The following APOOL variants were observed in gnomAD, a reference collection of about 807,000 sequenced individuals.
APOOL encodes the protein apolipoprotein O like.
APOOL carries 12 observed loss-of-function variants against 23.1 expected under a neutral mutation model. The ratio of observed to expected loss-of-function variants is 0.52; its 90% CI spans 0.33 to 0.84. The LOEUF (loss-of-function observed/expected upper bound fraction) is 0.84. APOOL is among the 40% of genes least tolerant of loss of function. The pLI, the probability that APOOL is intolerant of heterozygous loss-of-function variation, is 0.02. For missense variants in APOOL, 212 were observed against 199.6 expected, an observed-to-expected ratio of 1.06 and a Z score of -0.37; for synonymous variants, 77 against 69.9, an observed-to-expected ratio of 1.10 and a Z score of -0.51.
rs1479763813 is a variant in APOOL, at chrX:85,074,004, G to A, written c.493G>A (p.Ala165Thr). 7 of 1,144,030 alleles carry A rather than the reference G, an allele frequency of 6.1e-6. No homozygotes were observed. In the East Asian group the frequency reaches 2.0e-4, roughly 32 times the overall value. The allele number at this position is 1,144,030 out of a possible 1,213,427, so 94.3% of individuals were successfully genotyped here. A position where few individuals can be genotyped will look rare whatever the true frequency, so the allele number is the denominator to read the frequency against. Residue 165 changes from alanine (A) to threonine (T), a missense_variant, in exon 7 of 9, where the codon GCA becomes ACA. Coordinates refer to ENST00000373173, the MANE Select transcript of APOOL (RefSeq NM_198450.6). ...VQSVIIAKVT[A>T]KKVYATSQQI... ...TACTTTTTGTTTTAATTAGGTAACA[G>A]CAAAAAAGGTATATGCTACAAGCCA...
At position 85,062,297 on chromosome X, in the gene APOOL, A is replaced by G. The variant is rs767662113; in HGVS notation, c.395-4830A>G. ...TTTGTCAGATGGATAGATTGCAAAA[A>G]TTTTCTCCCATTCTGTACGTTGTCT... On this transcript the variant is annotated intron_variant, in intron 5 of 8. Coordinates refer to ENST00000373173, the MANE Select transcript of APOOL (RefSeq NM_198450.6). Among the ~76,000 whole-genome samples the G allele has an allele frequency of 3.5e-3, 382 of 109,868 alleles. 2 individuals are homozygous for G. Among genetic ancestry groups the G allele is most frequent in the African/African-American group, 0.012 (362 of 30,207 alleles).
chrX:85,014,045 G>A (rs1212020771), intron 1 of APOOL, among the ~76,000 whole-genome samples: 6 of 111,559 alleles, frequency 5.4e-5, no homozygotes, highest in Non-Finnish European at 7.5e-5. Flanking sequence ...ATATTTTCCT[G>A]TTGGGGTAGT....
At chrX:85,026,124 G>A (rs754785740) in intron 1 of APOOL, among the ~76,000 whole-genome samples, 17 of 113,408 alleles carry the variant, frequency 1.5e-4, no homozygotes, top group Non-Finnish European at 3.2e-4. Context: ...ATCACTGCTG[G>A]ATTCTGCACC....
At chrX:85,048,873 C>A (rs943166524) in intron 2 of APOOL, among the ~76,000 whole-genome samples, 1 of 110,867 alleles carries the variant, frequency 9.0e-6, no homozygotes, top group Non-Finnish European at 1.9e-5. Context: ...AATTAAATCT[C>A]CCTTTAATAG....
At chrX:85,058,331 T>G (rs1923052280) in intron 5 of APOOL, among the ~76,000 whole-genome samples, 1 of 111,145 alleles carries the variant, frequency 9.0e-6, no homozygotes, top group Non-Finnish European at 1.9e-5. Flanking sequence ...GTGTTTGGTT[T>G]TCTGTTCCTG....
chrX:85,092,866 A>C lies in APOOL; in HGVS notation c.*5188A>C. On this transcript the variant is annotated 3_prime_UTR_variant, in exon 9 of 9. Coordinates refer to ENST00000373173, the MANE Select transcript of APOOL (RefSeq NM_198450.6). ...AAATACAAGAAGATCTTGCTTTTATAGTCTTGTAATATTCATACTGTGAGC... is the reference window on the plus strand; with the variant it reads ...AAATACAAGAAGATCTTGCTTTTATCGTCTTGTAATATTCATACTGTGAGC... 1 of 321,792 alleles carries C rather than the reference A, an allele frequency of 3.1e-6. No homozygotes were observed. The highest frequency in any genetic ancestry group is 5.4e-6 in the Non-Finnish European group (1 of 185,890). 26.5% of individuals were successfully genotyped at this position (321,792 alleles called of 1,213,427 possible).
intron 2 of APOOL, among the ~76,000 whole-genome samples, chrX:85,048,658 G>A (rs773315107): frequency 3.8e-4 from 43 of 111,763 alleles, no homozygotes; most frequent in African/African-American, 1.3e-3. Flanking sequence ...TGTGTAAAGT[G>A]AGCTATACTT....
At chrX:85,080,785 G>A (rs1924064279) in intron 8 of APOOL, among the ~76,000 whole-genome samples, 1 of 111,632 alleles carries the variant, frequency 9.0e-6, no homozygotes, top group African/African-American at 3.3e-5. Flanking sequence ...CCTGTATTGG[G>A]TGCATATATA....
chrX:85,006,557 T>TA (rs765052491), intron 1 of APOOL, among the ~76,000 whole-genome samples: 2,348 of 96,012 alleles, frequency 0.024, 38 homozygotes, highest in African/African-American at 0.048. Flanking sequence ...GTCTTTTAAT[T>TA]AAAAAAAAAA....
At chrX:85,073,605 G>A (rs1335357892) in intron 6 of APOOL, among the ~76,000 whole-genome samples, 1 of 111,028 alleles carries the variant, frequency 9.0e-6, no homozygotes, top group Non-Finnish European at 1.9e-5. Context: ...TCAGTCAGCA[G>A]TTTATTATCT....
chrX:85,053,908 C>T (rs1922864334), intron 3 of APOOL, among the ~76,000 whole-genome samples: 1 of 110,940 alleles, frequency 9.0e-6, no homozygotes, highest in African/African-American at 3.3e-5. Flanking sequence ...AAGATGAAGC[C>T]CTTTGCTTTA....
chrX:85,091,598 A>G lies in APOOL; in HGVS notation c.*3920A>G, dbSNP rs1229836898. On this transcript the variant is annotated 3_prime_UTR_variant, in exon 9 of 9. Coordinates refer to ENST00000373173, the MANE Select transcript of APOOL (RefSeq NM_198450.6). ...GGACACAAAAGTTAGAATTATTTCA[A>G]AGGACTTATACTCTACTAGGAAAGA... 1 of 111,941 alleles carries G rather than the reference A, an allele frequency of 8.9e-6. No homozygotes were observed. Among genetic ancestry groups the G allele is most frequent in the Non-Finnish European group, 1.9e-5 (1 of 53,221 alleles). The allele number at this position is 111,941 out of a possible 1,213,427, so 9.2% of individuals were successfully genotyped here. A position where few individuals can be genotyped will look rare whatever the true frequency, so the allele number is the denominator to read the frequency against.
chrX:85,058,439 G>A (rs1487310994), intron 5 of APOOL, among the ~76,000 whole-genome samples: 7 of 111,622 alleles, frequency 6.3e-5, no homozygotes, highest in Non-Finnish European at 1.3e-4. Context: ...ATTCCATGGT[G>A]TATATGTACC....
At chrX:85,077,964 A>G (rs1923924949) in intron 8 of APOOL, among the ~76,000 whole-genome samples, 1 of 111,486 alleles carries the variant, frequency 9.0e-6, no homozygotes, top group Admixed American at 9.5e-5. Flanking sequence ...AATTTGTTTA[A>G]GTTCTTTGTA....
At chrX:85,014,837 T>A (rs750040106) in intron 1 of APOOL, among the ~76,000 whole-genome samples, 1 of 110,454 alleles carries the variant, frequency 9.1e-6, no homozygotes, top group South Asian at 4.0e-4. Flanking sequence ...CAGAAGTTCT[T>A]TGAGCTTCTT....
chrX:85,035,788 C>T, intron 1 of APOOL, among the ~76,000 whole-genome samples: 1 of 110,280 alleles, frequency 9.1e-6, no homozygotes, highest in Non-Finnish European at 1.9e-5. Flanking sequence ...CTGGGTTCTC[C>T]AACATCTGAC....
At chrX:85,048,269 T>G (rs977394131) in intron 2 of APOOL, among the ~76,000 whole-genome samples, 4 of 110,124 alleles carry the variant, frequency 3.6e-5, no homozygotes, top group African/African-American at 1.3e-4. Context: ...CCCTACCCGC[T>G]AACTGATTCT....
At chrX:85,028,513 A>G (rs1395380051) in intron 1 of APOOL, among the ~76,000 whole-genome samples, 1 of 111,735 alleles carries the variant, frequency 8.9e-6, no homozygotes, top group East Asian at 2.8e-4. Context: ...CATTCCCTCA[A>G]GCATTTATCC....
chrX:85,022,716 A>G (rs961785124), intron 1 of APOOL, among the ~76,000 whole-genome samples: 1 of 111,631 alleles, frequency 9.0e-6, no homozygotes, highest in African/African-American at 3.2e-5. Flanking sequence ...TTTCTATTTA[A>G]TATAGTACTG....
Sources: gnomAD v4.1 joint callset for allele counts (sites outside exome capture counted in the v4.1 genomes callset) on GRCh38, gnomAD v4.1.1 for gene constraint, MANE v1.5 for transcripts, NCBI Gene and HGNC (gene_info 2026-07-23, HGNC 2026-07-21) for gene names.